Variants in CENPP observed in about 807,000 individuals in gnomAD.
CENPP encodes centromere protein P.
CENPP carries 24 observed loss-of-function variants against 35.6 expected under a neutral mutation model. The ratio of observed to expected loss-of-function variants is 0.67; its 90% CI spans 0.49 to 0.95. CENPP has a LOEUF of 0.95. CENPP is among the 40% of genes least tolerant of loss of function. CENPP has a pLI of 0.00. For synonymous variants in CENPP, 120 were observed against 125.5 expected, an observed-to-expected ratio of 0.96 and a Z score of 0.29; for missense variants, 332 against 345.3, an observed-to-expected ratio of 0.96 and a Z score of 0.31.
chr9:92,335,549 T>G (rs1268848737), intron 2 of CENPP, among the ~76,000 whole-genome samples: 1 of 152,146 alleles, frequency 6.6e-6, no homozygotes, highest in Non-Finnish European at 1.5e-5. Flanking sequence ...TTCAGTTAAT[T>G]TTTGTGAAAG....
chr9:92,403,553 A>G, intron 5 of CENPP: 3 of 1,358,934 alleles, frequency 2.2e-6, no homozygotes, highest in Non-Finnish European at 9.5e-7. Flanking sequence ...GGGTGTGCGC[A>G]GTAAGGGCCA....
intron 5 of CENPP, chr9:92,385,524 G>A (rs1165025599): frequency 6.8e-6 from 7 of 1,022,896 alleles, no homozygotes; most frequent in Non-Finnish European, 1.0e-5. Context: ...TGAGATACAA[G>A]GTTAATATTA....
chr9:92,386,968 A>C (rs919873085), intron 5 of CENPP, among the ~76,000 whole-genome samples: 1 of 151,430 alleles, frequency 6.6e-6, no homozygotes, highest in East Asian at 1.9e-4. Context: ...GAATGCTGTG[A>C]ACCCAGGAGG....
chr9:92,516,835 T>C (rs1352905937), intron 5 of CENPP: 2 of 152,228 alleles, frequency 1.3e-5, no homozygotes, highest in African/African-American at 4.8e-5. Context: ...AATTTCTAAA[T>C]AGTCAAAAGT....
At chr9:92,394,560 A>G (rs1184287683) in intron 5 of CENPP, among the ~76,000 whole-genome samples, 3 of 151,222 alleles carry the variant, frequency 2.0e-5, no homozygotes, top group Non-Finnish European at 4.4e-5. Flanking sequence ...CTATTTTGAT[A>G]TATTTTAAAT....
chr9:92,486,489 T>C (rs1004134746), intron 5 of CENPP, among the ~76,000 whole-genome samples: 1 of 152,126 alleles, frequency 6.6e-6, no homozygotes, highest in Non-Finnish European at 1.5e-5. Flanking sequence ...TTTGGAAAAA[T>C]ATGAGCTGGA....
intron 5 of CENPP, among the ~76,000 whole-genome samples, chr9:92,399,430 G>C (rs1843019671): frequency 6.6e-6 from 1 of 151,872 alleles, no homozygotes; most frequent in African/African-American, 2.4e-5. Flanking sequence ...AGAGTTACTA[G>C]ATCTTTATTT....
intron 1 of CENPP, among the ~76,000 whole-genome samples, chr9:92,330,606 C>CA (rs375580524): frequency 7.4e-4 from 97 of 130,784 alleles, no homozygotes; most frequent in East Asian, 3.0e-3. Flanking sequence ...TAATGGATGA[C>CA]AAAAAAAAAA....
intron 5 of CENPP, among the ~76,000 whole-genome samples, chr9:92,576,449 A>G (rs953835882): frequency 1.2e-4 from 18 of 152,188 alleles, no homozygotes; most frequent in Non-Finnish European, 2.5e-4. Context: ...TTATGAATAT[A>G]TTTAATAGCA....
At chr9:92,500,716 C>G (rs918395072) in intron 5 of CENPP, 2 of 1,593,976 alleles carry the variant, frequency 1.3e-6, no homozygotes, top group Non-Finnish European at 1.7e-6. Context: ...CTTGAAAAAG[C>G]CAAAATTTAC....
At position 92,515,126 on chromosome 9, in the gene CENPP, G is replaced by A. The variant is rs527276959; in HGVS notation, c.565-96188G>A. ...AGTTGCTTATGAAGTAAATTGGTAG[G>A]TTCTCTTTGTTCTGAAGAATCACCA... On this transcript the variant is annotated intron_variant, in intron 5 of 7. Coordinates refer to ENST00000375587, the MANE Select transcript of CENPP (RefSeq NM_001012267.3). 18 of 1,612,730 alleles carry A rather than the reference G, an allele frequency of 1.1e-5. No individual in the cohort carries two copies. The East Asian group carries it at 3.6e-4, about 32-fold the overall frequency.
intron 5 of CENPP, chr9:92,517,487 T>C (rs1847799963): frequency 1.5e-6 from 1 of 688,010 alleles, no homozygotes; most frequent in South Asian, 1.9e-5. Flanking sequence ...GAGCTAGAAC[T>C]ATAAAGCCAC....
intron 5 of CENPP, among the ~76,000 whole-genome samples, chr9:92,583,999 G>A (rs1466655293): frequency 6.6e-6 from 1 of 152,134 alleles, no homozygotes; most frequent in Non-Finnish European, 1.5e-5. Flanking sequence ...ACCATTACAA[G>A]CCCCATGCAA....
rs1027929057 is a variant in CENPP at position 92,476,184 on chromosome 9, G to A, written c.564+96325G>A. The stretch of plus-strand genomic sequence containing the variant: ...GTCCTCCAGGCCTGCCATTGCCCGA[G>A]TGCCAGAGAGCAGCTGAGCTGCAAA... On this transcript the variant is annotated intron_variant, in intron 5 of 7. Transcript: ENST00000375587. This position sits in a 1 kb window ranked among gnomAD's most constrained non-coding sequence, Gnocchi z 4.1. Among the ~76,000 whole-genome samples, 1 of 152,098 alleles carries A rather than the reference G, an allele frequency of 6.6e-6. No homozygotes were observed. The highest frequency in any genetic ancestry group is 1.5e-5 in the Non-Finnish European group (1 of 68,020).
At chr9:92,378,443 AG>A (rs1842171542) in intron 4 of CENPP, among the ~76,000 whole-genome samples, 1 of 152,180 alleles carries the variant, frequency 6.6e-6, no homozygotes, top group African/African-American at 2.4e-5. Flanking sequence ...TGGGATATAC[AG>A]GAGGCAAAAA....
intron 1 of CENPP, 32 bp downstream of exon 1, chr9:92,326,137 G>T (rs1207333328): frequency 7.1e-7 from 1 of 1,407,358 alleles, no homozygotes; most frequent in South Asian, 1.3e-5. Flanking sequence ...CCCAGGGCCC[G>T]CTGGCCAGGG....
At chr9:92,396,218 C>CT (rs1439773437) in intron 5 of CENPP, among the ~76,000 whole-genome samples, 5 of 152,174 alleles carry the variant, frequency 3.3e-5, no homozygotes, top group Non-Finnish European at 7.3e-5. Context: ...TGGTGACCCA[C>CT]TTTAACATTT....
intron 5 of CENPP, among the ~76,000 whole-genome samples, chr9:92,470,308 C>T (rs989828380): frequency 3.3e-5 from 5 of 152,094 alleles, no homozygotes; most frequent in Non-Finnish European, 5.9e-5. Flanking sequence ...TGTCTTAACA[C>T]GTTTGGGTAG....
intron 5 of CENPP, among the ~76,000 whole-genome samples, chr9:92,486,222 T>C (rs998005826): frequency 1.3e-5 from 2 of 152,174 alleles, no homozygotes; most frequent in African/African-American, 4.8e-5. Context: ...AATTCTAGGA[T>C]GTAAATATGC....
Sources: allele counts gnomAD v4.1 joint callset (sites outside exome capture counted in the v4.1 genomes callset), GRCh38; gene constraint gnomAD v4.1.1; non-coding constraint Gnocchi (gnomAD v3.1); transcripts MANE v1.5; gene names NCBI Gene and HGNC (gene_info 2026-07-23, HGNC 2026-07-21).